Variants in DNMBP observed in about 807,000 individuals in gnomAD.
DNMBP encodes the protein dynamin-binding protein.
Under a neutral mutation model 150.0 loss-of-function variants are expected in DNMBP, and 87 were observed. The observed-to-expected ratio is 0.58, with a 90% CI of 0.49 to 0.69. The LOEUF is 0.69. DNMBP is among the 30% of genes least tolerant of loss of function. DNMBP has a pLI of 0.00. For synonymous variants in DNMBP, 711 were observed against 750.4 expected (o/e 0.95, Z 0.86); for missense variants, 1,774 against 1,949.0 (o/e 0.91, Z 1.69).
chr10:99,951,730 T>C (rs1589435227), intron 4 of DNMBP, among the ~76,000 whole-genome samples: 1 of 152,248 alleles, frequency 6.6e-6, no homozygotes, highest in Non-Finnish European at 1.5e-5. Context: ...TGTATCCCCA[T>C]TGTTTCTAGG....
chr10:99,980,597 C>T (rs962980094), intron 1 of DNMBP, among the ~76,000 whole-genome samples: 17 of 151,638 alleles, frequency 1.1e-4, no homozygotes, highest in African/African-American at 4.1e-4. Context: ...CACTTGAGCC[C>T]AGAAGGGCAA....
In DNMBP at chr10:99,887,450, C is replaced by G. The variant is rs556115076; in HGVS notation, c.3286-818G>C. Among the ~76,000 whole-genome samples the G allele has an allele frequency of 1.8e-3, 269 of 151,486 alleles. 1 individual carries two copies. Among genetic ancestry groups the G allele is most frequent in the Middle Eastern group, 6.8e-3 (2 of 294 alleles). ...GCTGAGGCAGGAGAATCGCTTGAAC[C>G]TGGGAGGCAGAGGTTGCAGTGAGCA... On this transcript the variant is annotated intron_variant, in intron 12 of 16. Coordinates refer to ENST00000324109, the MANE Select transcript of DNMBP (RefSeq NM_015221.4).
chr10:99,990,852 CATAT>C lies in DNMBP; in HGVS notation c.-10-18722_-10-18719del, dbSNP rs71009796. Among the ~76,000 whole-genome samples, 1,236 of 144,498 alleles carry C rather than the reference CATAT, an allele frequency of 8.6e-3. 15 individuals are homozygous for C. Among genetic ancestry groups the C allele is most frequent in the African/African-American group, 0.028 (1,107 of 39,642 alleles). The allele number at this position is 144,498 out of a possible 152,430, so 94.8% of individuals were successfully genotyped here. The stretch of plus-strand genomic sequence containing the variant: ...ATATACATATACACACACACACACA[CATAT>C]ATATATATATATATAGCTTTTTCCA... On this transcript the variant is annotated intron_variant, in intron 1 of 16. Coordinates refer to ENST00000324109, the MANE Select transcript of DNMBP (RefSeq NM_015221.4).
chr10:100,001,233 TAAAAAAAAAAAAAAAAAAAAAAAAAA>T (rs71009800), intron 1 of DNMBP, among the ~76,000 whole-genome samples: 2 of 21,732 alleles, frequency 9.2e-5, no homozygotes, highest in Non-Finnish European at 2.0e-4. Flanking sequence ...TCCGTCTCAT[TAAAAAAAAAAAAAAAAAAAAAAAAAA>T]AAAAAAAAAA....
intron 4 of DNMBP, among the ~76,000 whole-genome samples, chr10:99,912,265 A>AG: frequency 6.6e-6 from 1 of 152,290 alleles, no homozygotes; most frequent in African/African-American, 2.4e-5. Flanking sequence ...AGAAAAGGTC[A>AG]GGGGCTTATT....
At chr10:99,971,159 G>A (rs61873789) in intron 2 of DNMBP, among the ~76,000 whole-genome samples, 6,686 of 151,862 alleles carry the variant, frequency 0.044, 164 homozygotes, top group South Asian at 0.086. Flanking sequence ...GGTGTCTAGT[G>A]GTGCAACCTC....
At chr10:99,882,290 C>G (rs1336741367) in intron 15 of DNMBP, among the ~76,000 whole-genome samples, 2 of 152,138 alleles carry the variant, frequency 1.3e-5, no homozygotes, top group East Asian at 1.9e-4. Context: ...CTCTGGTGTT[C>G]TATTGCACAG....
intron 11 of DNMBP, among the ~76,000 whole-genome samples, chr10:99,891,854 GC>G (rs2039570050): frequency 6.6e-6 from 1 of 151,216 alleles, no homozygotes; most frequent in Non-Finnish European, 1.5e-5. Flanking sequence ...GAGCGCCTCT[GC>G]CCGGCCACGA....
Position 100,001,572 on chromosome 10 carries a change from CG to C in DNMBP, c.-11+8265del, listed in dbSNP as rs2133389437. Among the ~76,000 whole-genome samples, 3 of 148,634 alleles carry C rather than the reference CG, an allele frequency of 2.0e-5. 1 individual carries two copies. In the South Asian group the frequency reaches 6.2e-4, roughly 31 times the overall value. ...GACTACAGGCACATGCCACCATGCC[CG>C]GCTAGTTTTTGTATTTTTTGGTAGT... On this transcript the variant is annotated intron_variant, in intron 1 of 16. Coordinates refer to ENST00000324109, the MANE Select transcript of DNMBP (RefSeq NM_015221.4).
intron 1 of DNMBP, among the ~76,000 whole-genome samples, chr10:100,003,411 A>G (rs1026151692): frequency 5.3e-5 from 8 of 152,200 alleles, no homozygotes; most frequent in Admixed American, 2.6e-4. Flanking sequence ...TTAAAGGGAC[A>G]TGATGTCTAC....
chr10:99,998,625 T>C (rs2040978948), intron 1 of DNMBP, among the ~76,000 whole-genome samples: 1 of 149,858 alleles, frequency 6.7e-6, no homozygotes, highest in South Asian at 2.1e-4. Flanking sequence ...ATACAATACA[T>C]GTACTTTTCT....
At chr10:99,990,798 CACATATATACACAT>C (rs1264167015) in intron 1 of DNMBP, among the ~76,000 whole-genome samples, 6,528 of 103,814 alleles carry the variant, frequency 0.063, 183 homozygotes, top group African/African-American at 0.11. Flanking sequence ...CATATATACA[CACATATATACACAT>C]ATATATATAT....
At chr10:99,924,672 G>A in intron 4 of DNMBP, among the ~76,000 whole-genome samples, 1 of 152,162 alleles carries the variant, frequency 6.6e-6, no homozygotes, top group African/African-American at 2.4e-5. Flanking sequence ...ACACCTGGTG[G>A]ACTGCAATTA....
At chr10:99,945,537 TA>T (rs940331870) in intron 4 of DNMBP, among the ~76,000 whole-genome samples, 2 of 152,226 alleles carry the variant, frequency 1.3e-5, no homozygotes, top group Non-Finnish European at 2.9e-5. Context: ...ACTTGTATAG[TA>T]TGCTTTATAC....
At chr10:99,918,776 A>G (rs1479682874) in intron 4 of DNMBP, among the ~76,000 whole-genome samples, 2 of 152,164 alleles carry the variant, frequency 1.3e-5, no homozygotes, top group Non-Finnish European at 2.9e-5. Flanking sequence ...CATGGTCTGC[A>G]ACTTCTTATG....
Position 99,885,956 on chromosome 10 carries a change from C to T in DNMBP, c.3619-90G>A, listed in dbSNP as rs116308774. ...AAGAAGAAAACATGATGAAAGATCC[C>T]GGATTGACAGTCTCCTTAGAACCAC... is the stretch of plus-strand genomic sequence containing the variant. On this transcript the variant is annotated intron_variant, in intron 13 of 16. Transcript: ENST00000324109. 1.6e-4 allele frequency: 193 copies of T among 1,243,490 alleles called. No individual in the cohort carries two copies. In the African/African-American group the frequency reaches 2.1e-3, roughly 14 times the overall value. The allele number at this position is 1,243,490 out of a possible 1,614,324, so 77.0% of individuals were successfully genotyped here.
chr10:99,974,363 T>G (rs1387127395), intron 1 of DNMBP, among the ~76,000 whole-genome samples: 1 of 152,202 alleles, frequency 6.6e-6, no homozygotes, highest in African/African-American at 2.4e-5. Flanking sequence ...ACGTATGTAT[T>G]GAAGCAGCAG....
At chr10:99,885,228 A>G (rs1020710649) in intron 14 of DNMBP, among the ~76,000 whole-genome samples, 1 of 152,164 alleles carries the variant, frequency 6.6e-6, no homozygotes, top group Admixed American at 6.5e-5. Context: ...CCACAAAAAA[A>G]GCCTGGGGAT....
At chr10:99,907,932 A>G in intron 6 of DNMBP, 63 bp downstream of exon 6, 6 of 1,260,954 alleles carry the variant, frequency 4.8e-6, no homozygotes, top group South Asian at 1.2e-5. Context: ...CAGGAAGGCC[A>G]CTTACTCCTG....
Sources: gnomAD v4.1 joint callset for allele counts (sites outside exome capture counted in the v4.1 genomes callset) on GRCh38, gnomAD v4.1.1 for gene constraint, MANE v1.5 for transcripts, NCBI Gene and HGNC (gene_info 2026-07-23, HGNC 2026-07-21) for gene names.